The following CACNA1C variants were observed in gnomAD, a reference collection of about 807,000 sequenced individuals.
CACNA1C encodes calcium voltage-gated channel subunit alpha1 C, also known as voltage-dependent L-type calcium channel subunit alpha-1C.
A neutral mutation model predicts 229.0 loss-of-function variants in CACNA1C; 30 were observed. The observed-to-expected ratio is 0.13, with a 90% CI of 0.10 to 0.18. The LOEUF (loss-of-function observed/expected upper bound fraction) is 0.18. CACNA1C is among the 10% of genes least tolerant of loss of function. CACNA1C has a pLI of 1.00. For synonymous variants in CACNA1C, 1,114 were observed against 1,132.5 expected (o/e 0.98, Z 0.33); for missense variants, 1,658 against 2,845.0 (o/e 0.58, Z 9.49).
chr12:2,219,935 C>T (rs1205516813), intron 3 of CACNA1C, among the ~76,000 whole-genome samples: 1 of 152,132 alleles, frequency 6.6e-6, no homozygotes, highest in Non-Finnish European at 1.5e-5. Flanking sequence ...GAAGAGCACT[C>T]TATGATGTTG....
intron 4 of CACNA1C, among the ~76,000 whole-genome samples, chr12:2,455,026 G>C (rs1439399839): frequency 6.6e-6 from 1 of 151,984 alleles, no homozygotes; most frequent in East Asian, 1.9e-4. Context: ...ACACGGCCCT[G>C]CCCCTGCACG....
At position 2,532,079 on chromosome 12, in the gene CACNA1C, C is replaced by T. The variant is rs79869687; in HGVS notation, c.1391-17864C>T. Among the ~76,000 whole-genome samples the T allele has an allele frequency of 3.7e-3, 567 of 152,348 alleles. 1 individual carries two copies. Among genetic ancestry groups the T allele is most frequent in the Middle Eastern group, 6.8e-3 (2 of 294 alleles). The stretch of plus-strand genomic sequence containing the variant: ...CCGATGGTGTGGTGAATTATCCTGG[C>T]ATGGTTAATTACTCACACTAATTGC... On this transcript the variant is annotated intron_variant, in intron 9 of 46. Coordinates refer to ENST00000399655, the MANE Select transcript of CACNA1C (RefSeq NM_000719.7).
At chr12:2,500,252 G>A (rs2099756294) in intron 7 of CACNA1C, among the ~76,000 whole-genome samples, 3 of 152,182 alleles carry the variant, frequency 2.0e-5, no homozygotes, top group Admixed American at 2.0e-4. Flanking sequence ...TCCTCTTATG[G>A]TCCTGGCTGT....
rs1454465195 is a variant in CACNA1C at position 2,567,623 on chromosome 12, T to C, written c.1724T>C (p.Met575Thr). 5.6e-6 allele frequency: 9 copies of C among 1,610,616 alleles called. No individual in the cohort carries two copies. The highest frequency in any genetic ancestry group is 1.1e-5 in the South Asian group (1 of 90,166). ...ALFTAEMLLK[M>T]YSLGLQAYFV... ...TTCACGGCAGAGATGCTCCTGAAGA[T>C]GTACAGCCTGGGCCTGCAGGCCTAC... is the stretch of plus-strand genomic sequence containing the variant. Residue 575 changes from methionine to threonine, a missense_variant, in exon 13 of 47, where the codon ATG becomes ACG. Coordinates refer to ENST00000399655, the MANE Select transcript of CACNA1C (RefSeq NM_000719.7).
At chr12:2,101,747 A>G (rs552809176) in intron 1 of CACNA1C, among the ~76,000 whole-genome samples, 1 of 152,044 alleles carries the variant, frequency 6.6e-6, no homozygotes, top group East Asian at 1.9e-4. Context: ...TAGCTGAGGG[A>G]GCCATTCTCT....
At chr12:2,433,085 A>G (rs538630225) in intron 3 of CACNA1C, among the ~76,000 whole-genome samples, 1 of 152,210 alleles carries the variant, frequency 6.6e-6, no homozygotes, top group African/African-American at 2.4e-5. Flanking sequence ...GTGTGTGCTG[A>G]TGACTCTGCA....
At chr12:2,390,743 AAGAG>A (rs1002840037) in intron 3 of CACNA1C, among the ~76,000 whole-genome samples, 2 of 152,108 alleles carry the variant, frequency 1.3e-5, no homozygotes, top group East Asian at 1.9e-4. Flanking sequence ...CGGTGGGTAA[AAGAG>A]AGAGCAAGAG....
At chr12:2,183,819 G>A (rs1009506193) in intron 3 of CACNA1C, among the ~76,000 whole-genome samples, 7 of 152,216 alleles carry the variant, frequency 4.6e-5, no homozygotes, top group African/African-American at 1.7e-4. Flanking sequence ...AGGAAATAGC[G>A]GTATCTCATC....
At chr12:2,525,622 G>A (rs1188799910) in intron 9 of CACNA1C, among the ~76,000 whole-genome samples, 1 of 142,802 alleles carries the variant, frequency 7.0e-6, no homozygotes, top group African/African-American at 2.8e-5. Context: ...GGTGCCACAT[G>A]GAGAATTCCA....
chr12:2,482,799 G>C (rs2099681572), intron 5 of CACNA1C, among the ~76,000 whole-genome samples: 1 of 152,112 alleles, frequency 6.6e-6, no homozygotes. Context: ...GTCTTTCCCG[G>C]ACACTTCGCA....
rs144197155 is a variant in CACNA1C at position 2,478,897 on chromosome 12, G to A, written c.758-7207G>A. Among the ~76,000 whole-genome samples, 1,250 of 152,256 alleles carry A rather than the reference G, an allele frequency of 8.2e-3. 15 individuals carry two copies. The highest frequency in any genetic ancestry group is 0.029 in the African/African-American group (1,186 of 41,556). On this transcript the variant is annotated intron_variant, in intron 5 of 46. Transcript: ENST00000399655. ...AGTGAATGATGGCATAGCTGTCTGT[G>A]GTAGCCTCAAGAAAGGGAACCTTGA...
chr12:2,609,638 G>A (rs1048416140), intron 27 of CACNA1C, among the ~76,000 whole-genome samples: 2 of 151,344 alleles, frequency 1.3e-5, no homozygotes, highest in Middle Eastern at 3.4e-3. Flanking sequence ...AGACTCAGGC[G>A]TTGGACACCG....
intron 3 of CACNA1C, among the ~76,000 whole-genome samples, chr12:2,350,036 G>A (rs540251330): frequency 2.6e-5 from 4 of 152,312 alleles, no homozygotes; most frequent in Admixed American, 2.0e-4. Flanking sequence ...TCCTTTTTGG[G>A]TTTTTGGCTA....
At chr12:2,530,331 T>C (rs1047960579) in intron 9 of CACNA1C, among the ~76,000 whole-genome samples, 1 of 152,196 alleles carries the variant, frequency 6.6e-6, no homozygotes, top group African/African-American at 2.4e-5. Flanking sequence ...ACTAACCCAA[T>C]TGTTGCATAT....
chr12:2,162,510 A>C lies in CACNA1C; in HGVS notation c.477+42080A>C, dbSNP rs1445038773. 5.3e-5 allele frequency among the ~76,000 whole-genome samples: 8 copies of C among 152,032 alleles called. No individual in the cohort carries two copies. In the East Asian group the frequency reaches 1.5e-3, roughly 29 times the overall value. ...ACAAAAAATAAATAAAAGAAGGAGGAGGCCGTGTCTTTGAGGCACAGTAAG... is the reference window on the plus strand; with the variant it reads ...ACAAAAAATAAATAAAAGAAGGAGGCGGCCGTGTCTTTGAGGCACAGTAAG... On this transcript the variant is annotated intron_variant, in intron 3 of 46. Coordinates refer to ENST00000399655, the MANE Select transcript of CACNA1C (RefSeq NM_000719.7).
In CACNA1C at chr12:2,169,945, G is replaced by A. The variant is rs1322533608; in HGVS notation, c.477+49515G>A. Among the ~76,000 whole-genome samples, 4 of 152,204 alleles carry A rather than the reference G, an allele frequency of 2.6e-5. No homozygotes were observed. In the East Asian group the frequency reaches 5.8e-4, roughly 22 times the overall value. On this transcript the variant is annotated intron_variant, in intron 3 of 46. Coordinates refer to ENST00000399655, the MANE Select transcript of CACNA1C (RefSeq NM_000719.7). ...TGGGGACTGTGGACAGCAGAAGAGT[G>A]GGGTGAGGTGAGCTTGAGGGGTTGA...
At chr12:2,274,134 G>C (rs776699865) in intron 3 of CACNA1C, among the ~76,000 whole-genome samples, 2 of 152,164 alleles carry the variant, frequency 1.3e-5, no homozygotes, top group Non-Finnish European at 2.9e-5. Flanking sequence ...TTATCTTCAC[G>C]GCCTCCTCGT....
chr12:2,078,051 C>T (rs538654458), intron 1 of CACNA1C, among the ~76,000 whole-genome samples: 1 of 152,276 alleles, frequency 6.6e-6, no homozygotes, highest in East Asian at 1.9e-4. Flanking sequence ...GAAGCCCTAG[C>T]CTCCAATGTG....
chr12:2,480,871 T>C (rs1324102325), intron 5 of CACNA1C, among the ~76,000 whole-genome samples: 1 of 152,224 alleles, frequency 6.6e-6, no homozygotes, highest in Non-Finnish European at 1.5e-5. Context: ...AGAGCGTCAA[T>C]GTGGAATCCA....
Sources: allele counts gnomAD v4.1 joint callset (sites outside exome capture counted in the v4.1 genomes callset), GRCh38; gene constraint gnomAD v4.1.1; transcripts MANE v1.5; gene names NCBI Gene and HGNC (gene_info 2026-07-23, HGNC 2026-07-21).